Variants in PPP2R5C observed in about 807,000 individuals in gnomAD.
The protein encoded by PPP2R5C is protein phosphatase 2 regulatory subunit B'gamma, also known as serine/threonine-protein phosphatase 2A 56 kDa regulatory subunit gamma isoform.
Under a neutral mutation model 68.9 loss-of-function variants are expected in PPP2R5C, and 7 were observed. That is an observed-to-expected ratio of 0.10 (90% CI 0.06 to 0.19). The LOEUF is 0.19. Among genes scored for constraint, PPP2R5C ranks in the 10% least tolerant of loss-of-function variants. The probability of loss-of-function intolerance (pLI) is 1.00; values close to 1 mark genes in which losing one functional copy is unlikely to be tolerated. For synonymous variants in PPP2R5C, 210 were observed against 222.2 expected (o/e 0.95, Z 0.49); for missense variants, 348 against 641.3 (o/e 0.54, Z 4.94).
At chr14:101,909,865 G>A (rs1481273114) in intron 11 of PPP2R5C, among the ~76,000 whole-genome samples, 175 bp downstream of exon 13, 1 of 152,194 alleles carries the variant, frequency 6.6e-6, no homozygotes, top group African/African-American at 2.4e-5. Flanking sequence ...GAAAGAACAG[G>A]TGTTTAAAGG....
intron 2 of PPP2R5C, among the ~76,000 whole-genome samples, chr14:101,858,526 T>G (rs2042566096): frequency 6.6e-6 from 1 of 151,670 alleles, no homozygotes; most frequent in African/African-American, 2.4e-5. Flanking sequence ...TTTTTTTTTA[T>G]GATGTGGGTT....
At chr14:101,787,599 T>C (rs908739193) in intron 3 of PPP2R5C, among the ~76,000 whole-genome samples, 6 of 151,542 alleles carry the variant, frequency 4.0e-5, no homozygotes, top group Non-Finnish European at 7.4e-5. Flanking sequence ...CCGTCTCTAC[T>C]AAAAATACAA....
intron 3 of PPP2R5C, among the ~76,000 whole-genome samples, chr14:101,793,854 T>C (rs2038482593): frequency 6.6e-6 from 1 of 152,092 alleles, no homozygotes; most frequent in Non-Finnish European, 1.5e-5. Context: ...GGAGACAGAG[T>C]GGGAAGGTAA....
intron 9 of PPP2R5C, 58 bp downstream of exon 11, chr14:101,901,947 A>G (rs2045715817): frequency 6.4e-7 from 1 of 1,564,294 alleles, no homozygotes; most frequent in East Asian, 2.3e-5. Context: ...GGGAAAGGAA[A>G]AGTTCCATGC....
chr14:101,855,905 A>G (rs189982659), intron 1 of PPP2R5C, among the ~76,000 whole-genome samples: 89 of 152,350 alleles, frequency 5.8e-4, no homozygotes, highest in African/African-American at 2.0e-3. Flanking sequence ...GAAAGTGTCA[A>G]TATGTGTAAA....
At chr14:101,823,826 T>C in intron 1 of PPP2R5C, 4 of 1,190,764 alleles carry the variant, frequency 3.4e-6, no homozygotes, top group Non-Finnish European at 4.3e-6. Context: ...ATCTACACGG[T>C]ACTTTCTGCT....
intron 9 of PPP2R5C, among the ~76,000 whole-genome samples, chr14:101,905,859 C>T (rs1945051868): frequency 6.6e-6 from 1 of 152,120 alleles, no homozygotes; most frequent in African/African-American, 2.4e-5. Flanking sequence ...CACCTCCTCC[C>T]CATTGAAGCC....
intron 1 of PPP2R5C, among the ~76,000 whole-genome samples, chr14:101,855,034 G>A (rs2042343542): frequency 6.6e-6 from 1 of 152,064 alleles, no homozygotes; most frequent in Non-Finnish European, 1.5e-5. Context: ...GCTGGGTGTG[G>A]TGGCGCACAT....
intron 1 of PPP2R5C, chr14:101,820,577 A>C (rs2039993936): frequency 6.6e-6 from 1 of 152,252 alleles, no homozygotes; most frequent in African/African-American, 2.4e-5. Flanking sequence ...TAGGCAAAGA[A>C]GAACATCGGC....
At chr14:101,780,598 C>G (rs1472045396) in intron 2 of PPP2R5C, among the ~76,000 whole-genome samples, 1 of 152,178 alleles carries the variant, frequency 6.6e-6, no homozygotes, top group Non-Finnish European at 1.5e-5. Context: ...CCCACGTTCC[C>G]TGGTTCCCTG....
In PPP2R5C at chr14:101,836,167, A is replaced by G. The variant is rs577931305; in HGVS notation, c.95-20519A>G. On this transcript the variant is annotated intron_variant, in intron 1 of 13. Transcript: ENST00000334743. ...GCAGCTGAAAGGTTTTTTTTTTTGC[A>G]GTTGAGGCTGTGAAGCTGGGCAGGG... 4.3e-5 allele frequency: 29 copies of G among 681,274 alleles called. No homozygotes were observed. In the East Asian group the frequency reaches 7.3e-4, roughly 17 times the overall value. The allele number at this position is 681,274 out of a possible 1,614,324, so 42.2% of individuals were successfully genotyped here.
At chr14:101,881,675 G>A (rs754150607) in intron 2 of PPP2R5C, among the ~76,000 whole-genome samples, 11 of 152,212 alleles carry the variant, frequency 7.2e-5, no homozygotes, top group African/African-American at 2.4e-4. Context: ...TTTCCTCATC[G>A]TTGCGGATTG....
intron 1 of PPP2R5C, among the ~76,000 whole-genome samples, chr14:101,827,924 C>CT (rs111483294): frequency 0.03 from 4,498 of 152,214 alleles, 212 homozygotes; most frequent in African/African-American, 0.1. Context: ...GAGATACTGT[C>CT]TTTTTGGGTA....
intron 5 of PPP2R5C, 107 bp from the exon 8 acceptor site, chr14:101,890,130 A>G (rs2044773184): frequency 9.7e-7 from 1 of 1,029,234 alleles, no homozygotes; most frequent in African/African-American, 1.6e-5. Flanking sequence ...TGTTTGCACA[A>G]ATAGATGCGC....
chr14:101,919,800 T>C (rs1022645245), intron 13 of PPP2R5C, among the ~76,000 whole-genome samples: 2 of 152,020 alleles, frequency 1.3e-5, no homozygotes, highest in Non-Finnish European at 2.9e-5. Flanking sequence ...AAACCCCATC[T>C]CTACTAAAAA....
intron 2 of PPP2R5C, among the ~76,000 whole-genome samples, chr14:101,780,068 C>T (rs956974145): frequency 6.6e-6 from 1 of 152,192 alleles, no homozygotes; most frequent in African/African-American, 2.4e-5. Context: ...CCTCTCTTCA[C>T]ACTACATTAT....
At chr14:101,920,918 C>T (rs897169834) in intron 13 of PPP2R5C, among the ~76,000 whole-genome samples, 1 of 151,932 alleles carries the variant, frequency 6.6e-6, no homozygotes, top group African/African-American at 2.4e-5. Flanking sequence ...GGTGTGAGGA[C>T]CTGTGCCTGG....
chr14:101,819,122 T>A, intron 1 of PPP2R5C: 1 of 1,484,878 alleles, frequency 6.7e-7, no homozygotes, highest in Non-Finnish European at 9.2e-7. Flanking sequence ...TGTGTTTACA[T>A]TTGTAGACAG....
chr14:101,797,478 T>C lies in PPP2R5C; in HGVS notation c.259+11295T>C. ...GAATGAAAAGCCCTCCTGGCCCCTC[T>C]GCCCTCTTTCTCCACCCTCTCCATT... is the stretch of plus-strand genomic sequence containing the variant. On this transcript the variant is annotated intron_variant, in intron 3 of 14. Transcript: ENST00000328724. This position sits in a 1 kb window ranked among gnomAD's most constrained non-coding sequence, Gnocchi z 4.2. The C allele has an allele frequency of 2.9e-6, 1 of 345,078 alleles. No individual in the cohort carries two copies. Among genetic ancestry groups the C allele is most frequent in the South Asian group, 2.1e-5 (1 of 47,044 alleles). 21.4% of individuals were successfully genotyped at this position (345,078 alleles called of 1,614,324 possible). A position where few individuals can be genotyped will look rare whatever the true frequency, so the allele number is the denominator to read the frequency against.
Sources: gnomAD v4.1 joint callset for allele counts (sites outside exome capture counted in the v4.1 genomes callset) on GRCh38, gnomAD v4.1.1 for gene constraint, Gnocchi (gnomAD v3.1) non-coding constraint, MANE v1.5 for transcripts, NCBI Gene and HGNC (gene_info 2026-07-23, HGNC 2026-07-21) for gene names.